SLC24A4: variants seen among roughly 807,000 people sequenced by gnomAD.
SLC24A4 encodes the protein solute carrier family 24 member 4.
A neutral mutation model predicts 79.0 loss-of-function variants in SLC24A4; 53 were observed. That is an observed-to-expected ratio of 0.67 (90% CI 0.54 to 0.84). SLC24A4 has a LOEUF of 0.84. Ranked by LOEUF, SLC24A4 falls within the 40% of genes least tolerant of loss-of-function variation. The probability of loss-of-function intolerance (pLI) is 0.00; values close to 1 mark genes in which losing one functional copy is unlikely to be tolerated. For missense variants in SLC24A4, 731 were observed against 822.0 expected (o/e 0.89, Z 1.35); for synonymous variants, 323 against 323.8 (o/e 1.00, Z 0.03).
chr14:92,411,922 G>A (rs1014864778), intron 2 of SLC24A4, among the ~76,000 whole-genome samples: 1 of 151,732 alleles, frequency 6.6e-6, no homozygotes, highest in African/African-American at 2.4e-5. Flanking sequence ...TGGACTTCTG[G>A]TTGCAAGTGA....
intron 14 of SLC24A4, among the ~76,000 whole-genome samples, chr14:92,489,165 C>T (rs182400739): frequency 9.9e-5 from 15 of 151,872 alleles, no homozygotes; most frequent in African/African-American, 2.9e-4. Flanking sequence ...TGGCTGGGCG[C>T]GGTGGGTCAT....
chr14:92,445,292 C>T, intron 7 of SLC24A4, 25 bp from the exon 8 acceptor site: 1 of 1,614,042 alleles, frequency 6.2e-7, no homozygotes, highest in Non-Finnish European at 8.5e-7. Context: ...CCACCCACCT[C>T]AACTCTGTTT....
In SLC24A4 at chr14:92,495,856, C is replaced by T. The variant is rs182789352; in HGVS notation, c.*2228C>T. ...GTTCTTACTGTTTGAGTCAAAACCT[C>T]ATCAATATATCATTGACTCCTGGGT... On this transcript the variant is annotated 3_prime_UTR_variant, in exon 17 of 17. Transcript: ENST00000532405. 5.9e-5 allele frequency: 9 copies of T among 152,348 alleles called. No homozygotes were observed. Among genetic ancestry groups the T allele is most frequent in the Non-Finnish European group, 1.2e-4 (8 of 68,040 alleles). The allele number at this position is 152,348 out of a possible 1,614,324, so 9.4% of individuals were successfully genotyped here. A position where few individuals can be genotyped will look rare whatever the true frequency, so the allele number is the denominator to read the frequency against.
At chr14:92,437,858 G>A (rs903472108) in intron 3 of SLC24A4, among the ~76,000 whole-genome samples, 8 of 152,162 alleles carry the variant, frequency 5.3e-5, no homozygotes, top group Non-Finnish European at 1.2e-4. Flanking sequence ...GTTAGATCTT[G>A]CCTGTTGAGG....
intron 12 of SLC24A4, among the ~76,000 whole-genome samples, chr14:92,470,059 C>T (rs966985411): frequency 3.3e-5 from 5 of 152,138 alleles, no homozygotes; most frequent in African/African-American, 9.7e-5. Flanking sequence ...TTTTATGATA[C>T]GTTAATTATA....
chr14:92,445,343 G>T lies in SLC24A4; in HGVS notation c.683+1G>T. The T allele has an allele frequency of 6.2e-7, 1 of 1,613,918 alleles. No homozygotes were observed. Among genetic ancestry groups the T allele is most frequent in the Non-Finnish European group, 8.5e-7 (1 of 1,179,848 alleles). ...TCATATATGATGAACAAATTGTGTGGTAAGTTTTTCAAGTGTAGTTTTCAT... is the reference window on the plus strand; with the variant it reads ...TCATATATGATGAACAAATTGTGTGTTAAGTTTTTCAAGTGTAGTTTTCAT... On this transcript the variant is annotated splice_donor_variant, in intron 8 of 16. Coordinates refer to ENST00000532405, the MANE Select transcript of SLC24A4 (RefSeq NM_153646.4). LOFTEE classifies it high-confidence loss of function.
At chr14:92,450,025 CAGT>C (rs1254783186) in intron 10 of SLC24A4, among the ~76,000 whole-genome samples, 1 of 152,228 alleles carries the variant, frequency 6.6e-6, no homozygotes, top group African/African-American at 2.4e-5. Context: ...TAGCCCAGAC[CAGT>C]AGGAGAGCAG....
intron 12 of SLC24A4, among the ~76,000 whole-genome samples, chr14:92,463,343 C>T (rs1174158526): frequency 6.6e-6 from 1 of 152,168 alleles, no homozygotes; most frequent in Non-Finnish European, 1.5e-5. Context: ...TTCCTCTTAG[C>T]GTCTCGGCAC....
intron 2 of SLC24A4, among the ~76,000 whole-genome samples, chr14:92,383,367 A>C (rs1333722008): frequency 6.6e-6 from 1 of 152,070 alleles, no homozygotes; most frequent in Non-Finnish European, 1.5e-5. Context: ...CAGGCCACAC[A>C]AGCGCTCACA....
intron 2 of SLC24A4, among the ~76,000 whole-genome samples, chr14:92,357,052 A>C (rs7142805): frequency 6.6e-6 from 1 of 152,156 alleles, no homozygotes; most frequent in East Asian, 1.9e-4. Flanking sequence ...AGCTTTAATG[A>C]GTATCAGTTG....
At chr14:92,347,964 T>C (rs1443894202) in intron 2 of SLC24A4, among the ~76,000 whole-genome samples, 2 of 152,192 alleles carry the variant, frequency 1.3e-5, no homozygotes, top group East Asian at 1.9e-4. Context: ...AAAAAACTTT[T>C]AAAGAAAATA....
At chr14:92,360,700 T>C (rs1256888230) in intron 2 of SLC24A4, among the ~76,000 whole-genome samples, 7 of 152,224 alleles carry the variant, frequency 4.6e-5, no homozygotes, top group Admixed American at 6.5e-5. Flanking sequence ...TCCCTCTTAA[T>C]TGCACAAAGA....
chr14:92,454,930 TA>T (rs1214943148), intron 11 of SLC24A4, among the ~76,000 whole-genome samples: 1 of 152,200 alleles, frequency 6.6e-6, no homozygotes, highest in Non-Finnish European at 1.5e-5. Context: ...GCATTAATTG[TA>T]CCCACTGGGT....
upstream of SLC24A4, chr14:92,322,581 G>A (rs1884855460): frequency 6.5e-6 from 1 of 152,714 alleles, no homozygotes; most frequent in Non-Finnish European, 1.5e-5. Context: ...GTCGGTTGTG[G>A]GGCCCGCAGA....
intron 2 of SLC24A4, among the ~76,000 whole-genome samples, chr14:92,383,035 G>C (rs989603912): frequency 6.6e-5 from 10 of 152,016 alleles, no homozygotes; most frequent in African/African-American, 2.4e-4. Flanking sequence ...CTTGGGCCAG[G>C]CCCCCACTGG....
rs534540382 is a variant in SLC24A4 at position 92,361,218 on chromosome 14, T to C, written c.241+35240T>C. ...ATGTTGACCGATTATGTAACAGAAC[T>C]TTTTTTTTTTTGCTGAAGATAGCAT... On this transcript the variant is annotated intron_variant, in intron 2 of 16. Transcript: ENST00000532405. Among the ~76,000 whole-genome samples the C allele has an allele frequency of 2.8e-5, 4 of 145,090 alleles. No homozygotes were observed. The East Asian group carries it at 7.9e-4, about 29-fold the overall frequency.
chr14:92,461,187 G>A (rs10131374), intron 12 of SLC24A4, among the ~76,000 whole-genome samples: 26,901 of 152,088 alleles, frequency 0.18, 2,667 homozygotes, highest in African/African-American at 0.27. Context: ...TCCCTGGCCC[G>A]CCAACAGGAC....
In SLC24A4 at chr14:92,482,784, A is replaced by G; in HGVS notation, c.1360A>G (p.Met454Val). 1.9e-6 allele frequency: 3 copies of G among 1,614,060 alleles called. No individual in the cohort carries two copies. Among genetic ancestry groups the G allele is most frequent in the Non-Finnish European group, 2.5e-6 (3 of 1,179,992 alleles). Residue 454 changes from methionine to valine, a missense_variant, in exon 13 of 17, where the codon ATG (methionine) becomes GTG (valine). Physicochemically the swap from Met to Val is conservative, Grantham distance 21 (BLOSUM62 1). Coordinates refer to ENST00000532405, the MANE Select transcript of SLC24A4 (RefSeq NM_153646.4). The part of the protein sequence containing the change: ...CSKPRWEKFF[M>V]VTFITATLWI... The stretch of plus-strand genomic sequence containing the variant: ...CAAGCCCCGCTGGGAGAAGTTCTTC[A>G]TGGTCACCTTCATCACCGCCACGCT...
intron 2 of SLC24A4, among the ~76,000 whole-genome samples, chr14:92,337,551 A>C (rs1043283501): frequency 6.6e-6 from 1 of 152,234 alleles, no homozygotes; most frequent in Non-Finnish European, 1.5e-5. Flanking sequence ...AGCTCAAAGA[A>C]CATGGATCCT....
Sources: gnomAD v4.1 joint callset for allele counts (sites outside exome capture counted in the v4.1 genomes callset) on GRCh38, gnomAD v4.1.1 for gene constraint, MANE v1.5 for transcripts, NCBI Gene and HGNC (gene_info 2026-07-23, HGNC 2026-07-21) for gene names.